The following FBN2 variants were observed in gnomAD, a reference collection of about 807,000 sequenced individuals.
The protein encoded by FBN2 is fibrillin-2.
FBN2 carries 105 observed loss-of-function variants against 355.6 expected under a neutral mutation model. The ratio of observed to expected loss-of-function variants is 0.30; its 90% CI spans 0.25 to 0.35. The LOEUF (loss-of-function observed/expected upper bound fraction) is 0.35. Among genes scored for constraint, FBN2 ranks in the 10% least tolerant of loss-of-function variants. The pLI, the probability that FBN2 is intolerant of heterozygous loss-of-function variation, is 1.00. For missense variants in FBN2, 3,280 were observed against 3,758.7 expected, an observed-to-expected ratio of 0.87 and a Z score of 3.33; for synonymous variants, 1,350 against 1,301.2, an observed-to-expected ratio of 1.04 and a Z score of -0.81.
Position 128,287,323 on chromosome 5 carries a change from G to A in FBN2, c.6865C>T (p.Gln2289Ter). The A allele has an allele frequency of 6.2e-7, 1 of 1,613,910 alleles. No homozygotes were observed. Among genetic ancestry groups the A allele is most frequent in the Non-Finnish European group, 8.5e-7 (1 of 1,179,866 alleles). ...CPIGYALRED[Q>*]KMCKDLDECA... Reference sequence around the variant, plus strand: ...GAGGCCTTACCTTTGCACATCTTTTGATCTTCCCTGAGGGCATAGCCAATC... The same window carrying A: ...GAGGCCTTACCTTTGCACATCTTTTAATCTTCCCTGAGGGCATAGCCAATC... Residue 2289 changes from glutamine to a stop codon, truncating the protein, a stop_gained, in exon 54 of 65, where the codon CAA becomes TAA. Transcript: ENST00000262464. LOFTEE classifies it high-confidence loss of function.
intron 4 of FBN2, among the ~76,000 whole-genome samples, chr5:128,525,929 C>T (rs1400856253): frequency 6.6e-6 from 1 of 152,108 alleles, no homozygotes; most frequent in Admixed American, 6.6e-5. Context: ...CACATATTAT[C>T]TATGGTCACT....
intron 11 of FBN2, among the ~76,000 whole-genome samples, chr5:128,387,330 G>A (rs1238644088): frequency 6.6e-6 from 1 of 151,984 alleles, no homozygotes; most frequent in Non-Finnish European, 1.5e-5. Flanking sequence ...ATTTCAGTTT[G>A]TGTTTATTTC....
chr5:128,442,349 C>T (rs1278901331), intron 7 of FBN2: 8 of 456,512 alleles, frequency 1.8e-5, no homozygotes, highest in African/African-American at 4.0e-5. Flanking sequence ...CATCTGGCTC[C>T]TGCTTGTGCT....
intron 20 of FBN2, among the ~76,000 whole-genome samples, chr5:128,351,912 C>A (rs965022394): frequency 4.0e-5 from 6 of 151,844 alleles, no homozygotes; most frequent in Non-Finnish European, 1.5e-5. Flanking sequence ...ATGATAAGAC[C>A]ATCACTTGTG....
Position 128,263,598 on chromosome 5 carries a change from C to G in FBN2, c.8019G>C (p.Leu2673=), listed in dbSNP as rs144013739. The change falls in exon 63 of 65, where the codon CTG becomes CTC. Residue 2673 remains leucine (L), a synonymous_variant. Coordinates refer to ENST00000262464, the MANE Select transcript of FBN2 (RefSeq NM_001999.4). ...ACGSASCYNT[L]GSYKCACPSG... ...AGGGGCAGGCGCACTTGTAACTCCCCAGGGTGTTGTAGCAGGAAGCAGAGC... is the reference window on the plus strand; with the variant it reads ...AGGGGCAGGCGCACTTGTAACTCCCGAGGGTGTTGTAGCAGGAAGCAGAGC... 3.1e-6 allele frequency: 5 copies of G among 1,613,942 alleles called. No homozygotes were observed. The African/African-American group carries it at 5.3e-5, about 17-fold the overall frequency.
intron 1 of FBN2, among the ~76,000 whole-genome samples, chr5:128,536,982 C>G (rs917273555): frequency 6.6e-6 from 1 of 152,072 alleles, no homozygotes; most frequent in African/African-American, 2.4e-5. Context: ...GCGGCGGCCC[C>G]GACGTGGGGA....
At chr5:128,421,341 T>C (rs887445113) in intron 7 of FBN2, among the ~76,000 whole-genome samples, 2 of 152,072 alleles carry the variant, frequency 1.3e-5, no homozygotes, top group African/African-American at 4.8e-5. Flanking sequence ...GATGGCACAG[T>C]CTCAGTTCCA....
intron 5 of FBN2, among the ~76,000 whole-genome samples, chr5:128,474,955 A>G (rs1417906977): frequency 6.6e-6 from 1 of 152,198 alleles, no homozygotes; most frequent in Non-Finnish European, 1.5e-5. Context: ...CACAGGTAGC[A>G]TCTATCAATA....
intron 55 of FBN2, among the ~76,000 whole-genome samples, chr5:128,286,345 A>G (rs1480270543): frequency 6.6e-6 from 1 of 152,168 alleles, no homozygotes; most frequent in African/African-American, 2.4e-5. Flanking sequence ...ATCACCTCAG[A>G]CTAGTTACTT....
chr5:128,260,192 GA>G (rs752394814), intron 64 of FBN2, among the ~76,000 whole-genome samples: 2 of 151,968 alleles, frequency 1.3e-5, no homozygotes, highest in Non-Finnish European at 2.9e-5. Context: ...TTTAGGTAAT[GA>G]TTTTTTTTTT....
chr5:128,500,278 A>G (rs1755771400), intron 5 of FBN2, among the ~76,000 whole-genome samples: 1 of 151,980 alleles, frequency 6.6e-6, no homozygotes, highest in Non-Finnish European at 1.5e-5. Context: ...AATGAAACTA[A>G]CAACACTTTT....
At chr5:128,418,326 T>C (rs1753258457) in intron 7 of FBN2, among the ~76,000 whole-genome samples, 1 of 152,144 alleles carries the variant, frequency 6.6e-6, no homozygotes, top group Non-Finnish European at 1.5e-5. Context: ...TTGTATTGTT[T>C]TTTCAGTCTC....
At chr5:128,447,264 G>A (rs1754091416) in intron 6 of FBN2, among the ~76,000 whole-genome samples, 1 of 152,188 alleles carries the variant, frequency 6.6e-6, no homozygotes, top group East Asian at 1.9e-4. Context: ...CCTGAGAGCT[G>A]GGTGGAACAG....
chr5:128,367,881 A>C (rs1377851153), intron 16 of FBN2, among the ~76,000 whole-genome samples: 1 of 151,226 alleles, frequency 6.6e-6, no homozygotes, highest in Non-Finnish European at 1.5e-5. Flanking sequence ...TTTTTTTTTA[A>C]AAAAAGTCAC....
rs1749223701 is a variant in FBN2 at position 128,288,543 on chromosome 5, A to T, written c.6652T>A (p.Ser2218Thr). 1.2e-6 allele frequency: 2 copies of T among 1,613,738 alleles called. No homozygotes were observed. Among genetic ancestry groups the T allele is most frequent in the Middle Eastern group, 1.6e-4 (1 of 6,084 alleles). ...GVRCVDTDEC[S>T]IGNPCGNGTC... ...CCATTTCCACACGGATTGCCGATTG[A>T]ACACTCATCAGTATCTGAAAAAGAA... Residue 2218 changes from serine (S) to threonine (T), a missense_variant, in exon 53 of 65, where the codon TCA becomes ACA. Ser to Thr is a moderately conservative substitution (Grantham distance 58, BLOSUM62 1). Transcript: ENST00000262464.
chr5:128,271,356 T>A (rs773663697), intron 62 of FBN2, among the ~76,000 whole-genome samples: 1 of 152,162 alleles, frequency 6.6e-6, no homozygotes, highest in Non-Finnish European at 1.5e-5. Flanking sequence ...ATATGCTAAG[T>A]AAGTCACCTG....
chr5:128,269,206 G>C (rs1765200581), intron 62 of FBN2, among the ~76,000 whole-genome samples: 1 of 151,146 alleles, frequency 6.6e-6, no homozygotes, highest in Admixed American at 6.6e-5. Context: ...CTTGAGGCCA[G>C]GAGTTCGAAA....
intron 2 of FBN2, among the ~76,000 whole-genome samples, chr5:128,534,126 T>C (rs1756784884): frequency 6.6e-6 from 1 of 152,152 alleles, no homozygotes; most frequent in South Asian, 2.1e-4. Context: ...GAGGTACAAA[T>C]GTATGAGAAA....
rs1764881177 is a variant in FBN2, at chr5:128,258,735, G to A, written c.*720C>T. The A allele has an allele frequency of 6.5e-6, 1 of 152,766 alleles. No individual in the cohort carries two copies. Among genetic ancestry groups the A allele is most frequent in the Non-Finnish European group, 1.5e-5 (1 of 68,156 alleles). 9.5% of individuals were successfully genotyped at this position (152,766 alleles called of 1,614,324 possible). The stretch of plus-strand genomic sequence containing the variant: ...GGTTGTGCTTCAACTTCTGTTGCCT[G>A]GTGTGTCTGGTGATATGAAATGTTG... On this transcript the variant is annotated 3_prime_UTR_variant, in exon 65 of 65. Transcript: ENST00000262464.
Sources: gnomAD v4.1 joint callset for allele counts (sites outside exome capture counted in the v4.1 genomes callset) on GRCh38, gnomAD v4.1.1 for gene constraint, MANE v1.5 for transcripts, NCBI Gene and HGNC (gene_info 2026-07-23, HGNC 2026-07-21) for gene names.